Variants in ANKS1B observed in about 807,000 individuals in gnomAD.
ANKS1B encodes the protein ankyrin repeat and sterile alpha motif domain containing 1B.
ANKS1B carries 36 observed loss-of-function variants against 148.3 expected under a neutral mutation model. The observed-to-expected ratio is 0.24, with a 90% confidence interval of 0.19 to 0.32. The LOEUF (loss-of-function observed/expected upper bound fraction) is 0.32. ANKS1B is among the 10% of genes least tolerant of loss of function. The pLI, the probability that ANKS1B is intolerant of heterozygous loss-of-function variation, is 1.00. For synonymous variants in ANKS1B, 542 were observed against 560.8 expected, an observed-to-expected ratio of 0.97 and a Z score of 0.47; for missense variants, 1,157 against 1,542.6, an observed-to-expected ratio of 0.75 and a Z score of 4.19.
intron 15 of ANKS1B, among the ~76,000 whole-genome samples, chr12:99,131,790 G>A (rs1011498846): frequency 6.6e-6 from 1 of 152,136 alleles, no homozygotes; most frequent in Non-Finnish European, 1.5e-5. Context: ...ATTACAAGCA[G>A]CCTGGGAACC....
intron 9 of ANKS1B, among the ~76,000 whole-genome samples, chr12:99,525,611 G>A (rs1383980127): frequency 3.9e-5 from 6 of 152,028 alleles, no homozygotes; most frequent in Admixed American, 6.6e-5. Context: ...AGAAAACCAC[G>A]GGTTATATAA....
At chr12:99,954,803 C>A (rs1363640226) in intron 1 of ANKS1B, among the ~76,000 whole-genome samples, 1 of 151,944 alleles carries the variant, frequency 6.6e-6, no homozygotes, top group Non-Finnish European at 1.5e-5. Flanking sequence ...CCACCCCGTC[C>A]CCAACAAAAA....
intron 11 of ANKS1B, among the ~76,000 whole-genome samples, chr12:99,433,960 C>T (rs896310445): frequency 2.0e-5 from 3 of 152,076 alleles, no homozygotes; most frequent in East Asian, 1.9e-4. Context: ...ATACTCAAAT[C>T]ACCGCTTAAG....
chr12:99,867,501 A>C (rs2090919401), intron 1 of ANKS1B, among the ~76,000 whole-genome samples: 1 of 152,188 alleles, frequency 6.6e-6, no homozygotes, highest in South Asian at 2.1e-4. Context: ...AGAGGGCGAA[A>C]GGCATGTTGT....
At chr12:99,789,958 AT>A (rs1180537620) in intron 4 of ANKS1B, among the ~76,000 whole-genome samples, 1 of 152,172 alleles carries the variant, frequency 6.6e-6, no homozygotes, top group East Asian at 1.9e-4. Context: ...CAAAGTGATA[AT>A]ATTGGAGAAC....
intron 16 of ANKS1B, among the ~76,000 whole-genome samples, chr12:99,072,980 T>C (rs2046725876): frequency 6.6e-6 from 1 of 152,198 alleles, no homozygotes; most frequent in Admixed American, 6.5e-5. Context: ...TTGCTTACCG[T>C]TTATGCCTGG....
chr12:99,275,560 T>C (rs901492529), intron 12 of ANKS1B, among the ~76,000 whole-genome samples: 1 of 152,272 alleles, frequency 6.6e-6, no homozygotes, highest in Non-Finnish European at 1.5e-5. Context: ...CTATTGTGCA[T>C]ATGCACCACA....
intron 16 of ANKS1B, among the ~76,000 whole-genome samples, chr12:99,074,463 G>A (rs979853591): frequency 1.3e-5 from 2 of 152,110 alleles, no homozygotes; most frequent in Admixed American, 6.6e-5. Context: ...GTGCTCTCAC[G>A]CCCAGCAGTT....
rs143955286 is a variant in ANKS1B at position 98,968,224 on chromosome 12, A to C, written c.2778+84933T>G. Among the ~76,000 whole-genome samples the C allele has an allele frequency of 1.6e-4, 25 of 152,294 alleles. No individual in the cohort carries two copies. In the East Asian group the frequency reaches 4.8e-3, roughly 29 times the overall value. On this transcript the variant is annotated intron_variant, in intron 17 of 26. Coordinates refer to ENST00000683438, the MANE Select transcript of ANKS1B (RefSeq NM_001352186.2). ...TCTAACATAGCCAGAGGTAAAAACA[A>C]CAACAAAAAACCCCACTACTGCTCC...
chr12:98,978,392 AT>A lies in ANKS1B; in HGVS notation c.2778+74764del, dbSNP rs1263450716. 8.5e-5 allele frequency among the ~76,000 whole-genome samples: 13 copies of A among 152,076 alleles called. 2 individuals are homozygous for A. The East Asian group carries it at 2.5e-3, about 29-fold the overall frequency. ...TAAATCTGTAGTTTATTTTTGGAGG[AT>A]CTTTGCCCCACAGATTCCAGTCTTA... On this transcript the variant is annotated intron_variant, in intron 17 of 26. Transcript: ENST00000683438.
intron 12 of ANKS1B, among the ~76,000 whole-genome samples, chr12:99,315,030 G>A (rs535484372): frequency 5.9e-4 from 89 of 151,792 alleles, no homozygotes; most frequent in African/African-American, 2.0e-3. Context: ...GGATCATGAG[G>A]TCAAGAGATC....
At chr12:99,415,723 G>A (rs573944502) in intron 11 of ANKS1B, among the ~76,000 whole-genome samples, 2 of 151,858 alleles carry the variant, frequency 1.3e-5, no homozygotes, top group South Asian at 4.2e-4. Context: ...TCGCTCTGCC[G>A]CCCAGGCTGG....
chr12:99,439,051 CAACA>C (rs1481948765), intron 11 of ANKS1B, among the ~76,000 whole-genome samples: 8 of 151,730 alleles, frequency 5.3e-5, no homozygotes, highest in African/African-American at 1.9e-4. Flanking sequence ...TACATGCCAA[CAACA>C]AACAATTAAA....
chr12:99,318,940 T>C (rs1280332639), intron 12 of ANKS1B, among the ~76,000 whole-genome samples: 1 of 152,202 alleles, frequency 6.6e-6, no homozygotes, highest in Admixed American at 6.5e-5. Flanking sequence ...CCAGTAGTCA[T>C]TCAGGAGCAG....
intron 17 of ANKS1B, among the ~76,000 whole-genome samples, chr12:98,843,234 G>A (rs926046074): frequency 2.0e-5 from 3 of 152,230 alleles, no homozygotes; most frequent in South Asian, 2.1e-4. Context: ...ATGAGGTGGC[G>A]AATCCTCCTT....
intron 15 of ANKS1B, among the ~76,000 whole-genome samples, chr12:99,102,302 G>A (rs1275557163): frequency 1.3e-5 from 2 of 152,194 alleles, no homozygotes; most frequent in Non-Finnish European, 2.9e-5. Context: ...GAGACAAAAG[G>A]GGTGGAGACA....
At chr12:99,528,350 C>A (rs2096949782) in intron 9 of ANKS1B, among the ~76,000 whole-genome samples, 2 of 148,414 alleles carry the variant, frequency 1.3e-5, no homozygotes, top group South Asian at 4.2e-4. Flanking sequence ...AAAACAATTG[C>A]AACAAAACCA....
chr12:99,701,789 C>CA (rs2054870369), intron 8 of ANKS1B, among the ~76,000 whole-genome samples: 1 of 152,178 alleles, frequency 6.6e-6, no homozygotes, highest in Admixed American at 6.5e-5. Flanking sequence ...TGAGAACATG[C>CA]AAAGTTTGTC....
chr12:99,931,283 T>C (rs1007345399), intron 1 of ANKS1B, among the ~76,000 whole-genome samples: 38 of 152,066 alleles, frequency 2.5e-4, no homozygotes, highest in African/African-American at 9.2e-4. Context: ...GTGGCACATG[T>C]ATACATATGT....
Sources: allele counts gnomAD v4.1 joint callset (sites outside exome capture counted in the v4.1 genomes callset), GRCh38; gene constraint gnomAD v4.1.1; transcripts MANE v1.5; gene names NCBI Gene and HGNC (gene_info 2026-07-23, HGNC 2026-07-21).